Variants in DPYD observed in about 807,000 individuals in gnomAD.
DPYD encodes the protein dihydropyrimidine dehydrogenase [NADP(+)].
Under a neutral mutation model 116.2 loss-of-function variants are expected in DPYD, and 109 were observed. That is an observed-to-expected ratio of 0.94 (90% CI 0.80 to 1.10). DPYD has a LOEUF of 1.10. Among genes scored for constraint, DPYD ranks in the 50% least tolerant of loss-of-function variants. The probability of loss-of-function intolerance (pLI) is 0.00; values close to 1 mark genes in which losing one functional copy is unlikely to be tolerated. For missense variants in DPYD, 1,302 were observed against 1,254.5 expected (o/e 1.04, Z -0.57); for synonymous variants, 440 against 432.0 (o/e 1.02, Z -0.23).
intron 1 of DPYD, among the ~76,000 whole-genome samples, chr1:97,899,638 T>C (rs1178414230): frequency 6.6e-6 from 1 of 151,834 alleles, no homozygotes; most frequent in African/African-American, 2.4e-5. Flanking sequence ...CATACTCTAG[T>C]GGCCACTCCT....
intron 14 of DPYD, among the ~76,000 whole-genome samples, chr1:97,400,533 CCTT>C (rs1433811581): frequency 6.6e-6 from 1 of 152,142 alleles, no homozygotes; most frequent in Non-Finnish European, 1.5e-5. Context: ...AGTACCAGCT[CCTT>C]CTTGCACCTC....
intron 16 of DPYD, among the ~76,000 whole-genome samples, chr1:97,365,619 C>G (rs1028723959): frequency 3.4e-4 from 51 of 152,084 alleles, no homozygotes; most frequent in African/African-American, 1.2e-3. Flanking sequence ...ACAATAAAAA[C>G]CAAGTAAGTT....
intron 19 of DPYD, among the ~76,000 whole-genome samples, chr1:97,197,543 T>C (rs914755746): frequency 6.6e-6 from 1 of 152,180 alleles, no homozygotes. Flanking sequence ...TAAAGTATAA[T>C]CTAAATCATC....
At chr1:97,495,008 G>A (rs1474661808) in intron 13 of DPYD, among the ~76,000 whole-genome samples, 2 of 152,092 alleles carry the variant, frequency 1.3e-5, no homozygotes, top group South Asian at 2.1e-4. Flanking sequence ...AGCGGCCTGC[G>A]CATCCATGTG....
At chr1:97,656,270 C>A (rs1658898991) in intron 8 of DPYD, among the ~76,000 whole-genome samples, 1 of 152,172 alleles carries the variant, frequency 6.6e-6, no homozygotes, top group Admixed American at 6.5e-5. Flanking sequence ...CCCTTCTTTT[C>A]ACGGAAGATC....
chr1:97,160,523 G>T (rs1329174608), intron 20 of DPYD, among the ~76,000 whole-genome samples: 2 of 152,088 alleles, frequency 1.3e-5, no homozygotes, highest in Non-Finnish European at 2.9e-5. Context: ...GGTGTTCGAT[G>T]ATGAGAGATA....
At chr1:97,324,811 T>C (rs575034467) in intron 16 of DPYD, among the ~76,000 whole-genome samples, 4 of 152,200 alleles carry the variant, frequency 2.6e-5, no homozygotes, top group African/African-American at 7.2e-5. Context: ...GAAAGCTTTA[T>C]TTGAAATGTA....
chr1:97,218,760 G>A (rs142757585), intron 19 of DPYD, among the ~76,000 whole-genome samples: 35 of 152,228 alleles, frequency 2.3e-4, no homozygotes, highest in Non-Finnish European at 4.4e-4. Flanking sequence ...CAAAAGTGAT[G>A]AGTGGGCTTT....
At chr1:97,508,819 T>C (rs1345575569) in intron 13 of DPYD, among the ~76,000 whole-genome samples, 2 of 151,972 alleles carry the variant, frequency 1.3e-5, no homozygotes, top group Non-Finnish European at 2.9e-5. Context: ...CAACCTGATC[T>C]GGTCTTGTGA....
chr1:97,783,403 A>G (rs552990813), intron 3 of DPYD, among the ~76,000 whole-genome samples: 3 of 151,830 alleles, frequency 2.0e-5, no homozygotes, highest in South Asian at 2.1e-4. Context: ...TTATTTACTT[A>G]TTTATTTTTT....
chr1:97,910,270 C>T (rs1426690590), intron 1 of DPYD, among the ~76,000 whole-genome samples: 1 of 151,862 alleles, frequency 6.6e-6, no homozygotes. Context: ...AATGTGTTTA[C>T]AACATCTAGA....
chr1:97,746,560 G>A (rs568033201), intron 3 of DPYD, among the ~76,000 whole-genome samples: 71 of 152,056 alleles, frequency 4.7e-4, no homozygotes, highest in African/African-American at 1.6e-3. Context: ...TATTTGTTTC[G>A]CTTTCTTACC....
chr1:97,750,295 A>C (rs1664798128), intron 3 of DPYD, among the ~76,000 whole-genome samples: 1 of 152,102 alleles, frequency 6.6e-6, no homozygotes. Flanking sequence ...AATTTTTAAA[A>C]AAGAGGTGAA....
intron 7 of DPYD, among the ~76,000 whole-genome samples, chr1:97,689,164 T>C (rs992139769): frequency 4.0e-5 from 6 of 151,634 alleles, no homozygotes. Context: ...TCTTGTAACA[T>C]GATATTTGAC....
Position 97,351,860 on chromosome 1 carries a change from C to T in DPYD, c.2058+21701G>A, listed in dbSNP as rs564098053. 4.6e-5 allele frequency among the ~76,000 whole-genome samples: 7 copies of T among 152,032 alleles called. No individual in the cohort carries two copies. In the South Asian group the frequency reaches 6.2e-4, roughly 14 times the overall value. Reference sequence around the variant, plus strand: ...TTAAAAGGAACAAGGAACTCAATACCGTAAAAGAAGAATTGAATTGCAGAT... The same window carrying T: ...TTAAAAGGAACAAGGAACTCAATACTGTAAAAGAAGAATTGAATTGCAGAT... On this transcript the variant is annotated intron_variant, in intron 16 of 22. Coordinates refer to ENST00000370192, the MANE Select transcript of DPYD (RefSeq NM_000110.4).
At chr1:97,358,696 C>A (rs748507348) in intron 16 of DPYD, among the ~76,000 whole-genome samples, 1 of 152,100 alleles carries the variant, frequency 6.6e-6, no homozygotes, top group Non-Finnish European at 1.5e-5. Context: ...CAGCAAACTT[C>A]AACAGACCTG....
intron 8 of DPYD, among the ~76,000 whole-genome samples, chr1:97,602,806 T>C (rs998697178): frequency 1.4e-4 from 21 of 152,052 alleles, no homozygotes; most frequent in African/African-American, 4.8e-4. Flanking sequence ...AAGTACCTTT[T>C]TCTTCATTAT....
At chr1:97,222,386 T>G (rs1424059300) in intron 19 of DPYD, among the ~76,000 whole-genome samples, 1 of 152,162 alleles carries the variant, frequency 6.6e-6, no homozygotes. Flanking sequence ...ATTATTTTTT[T>G]CTATAGTAAA....
At chr1:97,367,597 A>G (rs893591864) in intron 16 of DPYD, among the ~76,000 whole-genome samples, 2 of 152,194 alleles carry the variant, frequency 1.3e-5, no homozygotes, top group African/African-American at 4.8e-5. Flanking sequence ...GCAAGATATA[A>G]CAGATGATAG....
Sources: gnomAD v4.1 joint callset for allele counts (sites outside exome capture counted in the v4.1 genomes callset) on GRCh38, gnomAD v4.1.1 for gene constraint, MANE v1.5 for transcripts, NCBI Gene and HGNC (gene_info 2026-07-23, HGNC 2026-07-21) for gene names.